POLR3B: variants seen among roughly 807,000 people sequenced by gnomAD.
POLR3B encodes RNA polymerase III subunit B, also known as DNA-directed RNA polymerase III subunit RPC2.
Under a neutral mutation model 147.4 loss-of-function variants are expected in POLR3B, and 96 were observed. That is an observed-to-expected ratio of 0.65 (90% confidence interval 0.55 to 0.77). POLR3B has a LOEUF of 0.77. POLR3B is among the 30% of genes least tolerant of loss of function. The pLI is 0.00. For missense variants in POLR3B, 1,036 were observed against 1,413.5 expected, an observed-to-expected ratio of 0.73 and a Z score of 4.28; for synonymous variants, 461 against 485.9, an observed-to-expected ratio of 0.95 and a Z score of 0.67.
At chr12:106,421,506 A>G (rs888711961) in intron 12 of POLR3B, among the ~76,000 whole-genome samples, 3 of 152,208 alleles carry the variant, frequency 2.0e-5, no homozygotes, top group Admixed American at 1.3e-4. Flanking sequence ...TGCATTTTCT[A>G]TATTACTAAT....
intron 19 of POLR3B, among the ~76,000 whole-genome samples, chr12:106,451,951 A>G (rs1323261799): frequency 2.0e-5 from 3 of 152,172 alleles, no homozygotes; most frequent in African/African-American, 7.2e-5. Flanking sequence ...GCAAAATGGG[A>G]TAATAGAAGT....
chr12:106,434,024 A>G (rs573283313), intron 16 of POLR3B, 152 bp downstream of exon 16: 46 of 675,102 alleles, frequency 6.8e-5, no homozygotes, highest in African/African-American at 5.0e-4. Flanking sequence ...ATGAATATGC[A>G]TATTAGGTAC....
chr12:106,393,026 C>A lies in POLR3B; in HGVS notation c.724-5C>A. 1 of 1,614,126 alleles carries A rather than the reference C, an allele frequency of 6.2e-7. No individual in the cohort carries two copies. The highest frequency in any genetic ancestry group is 8.5e-7 in the Non-Finnish European group (1 of 1,179,988). ...CACTCTTTCTATCTTTTCTTTCCTT[C>A]CTAGGCCATGGGTGTTGAGAGTGAC... On this transcript the variant is annotated splice_region_variant and splice_polypyrimidine_tract_variant and intron_variant, in intron 9 of 27. Transcript: ENST00000228347.
intron 13 of POLR3B, among the ~76,000 whole-genome samples, chr12:106,428,458 T>G (rs1288134735): frequency 1.3e-5 from 2 of 152,166 alleles, no homozygotes; most frequent in Non-Finnish European, 2.9e-5. Context: ...GAAGAATGCT[T>G]TTACCAAATA....
rs10861588 is a variant in POLR3B at position 106,378,636 on chromosome 12, G to A, written c.614+252G>A. On this transcript the variant is annotated intron_variant, in intron 8 of 27. Transcript: ENST00000228347. ...GCTGAATTTTATGTTAGCTTATAGA[G>A]CATGAAAGGAGATTTAAAAAAAAAA... Among the ~76,000 whole-genome samples, 57,534 of 151,054 alleles carry A rather than the reference G, an allele frequency of 0.38. 12,662 individuals are homozygous for A. The highest frequency in any genetic ancestry group is 0.61 in the African/African-American group (25,193 of 41,220).
intron 27 of POLR3B, among the ~76,000 whole-genome samples, chr12:106,506,208 G>A (rs1174147379): frequency 6.6e-6 from 1 of 152,096 alleles, no homozygotes; most frequent in African/African-American, 2.4e-5. Context: ...AGAAAAAAAA[G>A]AAAAGAAATC....
chr12:106,471,946 TG>T (rs1199985839), intron 23 of POLR3B, among the ~76,000 whole-genome samples: 1 of 150,110 alleles, frequency 6.7e-6, no homozygotes, highest in Non-Finnish European at 1.5e-5. Flanking sequence ...TGTGCCATGC[TG>T]GTGCGCTGCA....
In POLR3B at chr12:106,464,648, C is replaced by CT. The variant is rs200019295; in HGVS notation, c.2713+1037dup. On this transcript the variant is annotated intron_variant, in intron 23 of 27. Transcript: ENST00000228347. ...AGCAATGATCATTAACATTGACCAT[C>CT]TTTTTTTTTGATATATACTTAAGAT... 4.5e-3 allele frequency among the ~76,000 whole-genome samples: 683 copies of CT among 151,634 alleles called. 3 individuals are homozygous for CT. The highest frequency in any genetic ancestry group is 0.016 in the African/African-American group (656 of 41,410).
intron 12 of POLR3B, among the ~76,000 whole-genome samples, chr12:106,422,406 G>A (rs527712229): frequency 2.0e-5 from 3 of 152,308 alleles, no homozygotes; most frequent in Admixed American, 2.0e-4. Context: ...TTCCTATACA[G>A]CCTGAAGAAC....
intron 2 of POLR3B, among the ~76,000 whole-genome samples, 177 bp from the exon 3 acceptor site, chr12:106,366,339 C>G (rs139226209): frequency 1.0e-3 from 152 of 152,230 alleles, no homozygotes; most frequent in African/African-American, 3.5e-3. Context: ...AATGAGAATG[C>G]ATTAATGAAA....
intron 23 of POLR3B, among the ~76,000 whole-genome samples, chr12:106,490,833 T>A (rs929205204): frequency 6.6e-6 from 1 of 152,232 alleles, no homozygotes; most frequent in African/African-American, 2.4e-5. Flanking sequence ...ACAGTCAAAC[T>A]TGAAAGCATT....
chr12:106,365,962 G>A (rs1276250566), intron 2 of POLR3B, among the ~76,000 whole-genome samples: 1 of 151,752 alleles, frequency 6.6e-6, no homozygotes, highest in African/African-American at 2.4e-5. Flanking sequence ...TCCATGCCTT[G>A]TCCCACTGGA....
chr12:106,389,219 C>T (rs1050344668), intron 9 of POLR3B, among the ~76,000 whole-genome samples: 23 of 152,166 alleles, frequency 1.5e-4, no homozygotes, highest in Admixed American at 6.5e-4. Flanking sequence ...AAAGTCAGTT[C>T]GGTCTTTGCA....
chr12:106,379,218 G>GGTA (rs1361515057), intron 8 of POLR3B, among the ~76,000 whole-genome samples: 2 of 152,188 alleles, frequency 1.3e-5, no homozygotes, highest in African/African-American at 4.8e-5. Context: ...GACTGTAAGA[G>GGTA]GTAGATAGCC....
Position 106,504,070 on chromosome 12 carries a change from T to C in POLR3B, c.3099-11T>C. ...AATAATAACACATTTGTCTAATAAC[T>C]TGTTTCAAAGGCAACCCACTGAAGG... On this transcript the variant is annotated splice_polypyrimidine_tract_variant and intron_variant, in intron 26 of 27. Transcript: ENST00000228347. This position sits in a 1 kb window ranked among gnomAD's most constrained non-coding sequence, Gnocchi z 4.6. 1.2e-6 allele frequency: 2 copies of C among 1,613,036 alleles called. No individual in the cohort carries two copies. The highest frequency in any genetic ancestry group is 1.7e-6 in the Non-Finnish European group (2 of 1,178,978).
At chr12:106,485,508 G>A (rs764452386) in intron 23 of POLR3B, among the ~76,000 whole-genome samples, 3 of 152,196 alleles carry the variant, frequency 2.0e-5, no homozygotes, top group Non-Finnish European at 4.4e-5. Context: ...AGGCAAGAAA[G>A]GGTGGTGGCT....
At chr12:106,454,104 A>G (rs1207197727) in intron 19 of POLR3B, among the ~76,000 whole-genome samples, 1 of 152,042 alleles carries the variant, frequency 6.6e-6, no homozygotes, top group Non-Finnish European at 1.5e-5. Context: ...TATCCATTTT[A>G]TAAGCTCCTC....
At position 106,357,869 on chromosome 12, in the gene POLR3B, T is replaced by C; in HGVS notation, c.-11T>C. Reference sequence around the variant, plus strand: ...GAGGTTCTATCTGTTTCTTCCTCCTTCGTGAGCAGCATGGACGTGCTAGCG... The same window carrying C: ...GAGGTTCTATCTGTTTCTTCCTCCTCCGTGAGCAGCATGGACGTGCTAGCG... On this transcript the variant is annotated 5_prime_UTR_variant, in exon 1 of 28. Transcript: ENST00000228347. 2 of 1,613,064 alleles carry C rather than the reference T, an allele frequency of 1.2e-6. No homozygotes were observed. Among genetic ancestry groups the C allele is most frequent in the Non-Finnish European group, 1.7e-6 (2 of 1,179,732 alleles).
chr12:106,461,947 T>A (rs1396169290), intron 22 of POLR3B, among the ~76,000 whole-genome samples: 1 of 152,194 alleles, frequency 6.6e-6, no homozygotes, highest in Non-Finnish European at 1.5e-5. Context: ...GTCAGCTTCA[T>A]ATCAGCACTT....
Sources: allele counts gnomAD v4.1 joint callset (sites outside exome capture counted in the v4.1 genomes callset), GRCh38; gene constraint gnomAD v4.1.1; non-coding constraint Gnocchi (gnomAD v3.1); transcripts MANE v1.5; gene names NCBI Gene and HGNC (gene_info 2026-07-23, HGNC 2026-07-21).